Variants in WDR88 observed in about 807,000 individuals in gnomAD.
WDR88 encodes the protein WD repeat domain 88.
A neutral mutation model predicts 46.8 loss-of-function variants in WDR88; 40 were observed. The observed-to-expected ratio is 0.86, with a 90% confidence interval of 0.66 to 1.11. The LOEUF (loss-of-function observed/expected upper bound fraction) is 1.11, where lower values mean the gene tolerates loss of function less well. Ranked by LOEUF, WDR88 falls within the 50% of genes most tolerant of loss-of-function variation. WDR88 has a pLI of 0.00. For missense variants in WDR88, 562 were observed against 602.4 expected (o/e 0.93, Z 0.70); for synonymous variants, 235 against 240.7 (o/e 0.98, Z 0.22).
chr19:33,174,246 A>G, intron 10 of WDR88: 17 of 1,536,262 alleles, frequency 1.1e-5, no homozygotes, highest in Non-Finnish European at 1.5e-5. Context: ...CTTGCTCTGA[A>G]TCAATCAACA....
chr19:33,154,969 A>C (rs2145397371), intron 6 of WDR88, among the ~76,000 whole-genome samples: 1 of 152,338 alleles, frequency 6.6e-6, no homozygotes, highest in Middle Eastern at 3.4e-3. Flanking sequence ...TCTTCAGGTC[A>C]AATGATTGAT....
At position 33,137,645 on chromosome 19, in the gene WDR88, T is replaced by C. The variant is rs753546080; in HGVS notation, c.277-32T>C. The C allele has an allele frequency of 1.9e-6, 3 of 1,556,852 alleles. No homozygotes were observed. The Admixed American group carries it at 5.1e-5, about 26-fold the overall frequency. ...TACATTGATTTTGTGTCCTGCAACA[T>C]GTTTAGCTCATCTGGTCTCTCCTTT... On this transcript the variant is annotated intron_variant, in intron 1 of 10. Coordinates refer to ENST00000355868, the MANE Select transcript of WDR88 (RefSeq NM_173479.4).
rs1391329076 is a variant in WDR88, at chr19:33,156,396, G to C, written c.851G>C (p.Ser284Thr). 6.2e-7 allele frequency: 1 copy of C among 1,614,184 alleles called. No individual in the cohort carries two copies. Among genetic ancestry groups the C allele is most frequent in the South Asian group, 1.1e-5 (1 of 91,090 alleles). ...ATCTCAAACTGCTGTTTTACCTTCA[G>C]TGGCCATTTCCTGTGTACAAGCTCC... is the stretch of plus-strand genomic sequence containing the variant. ...NAISNCCFTF[S>T]GHFLCTSSWD... is the part of the protein sequence containing the mutation. The change falls in exon 7 of 11, where the codon AGT (serine) becomes ACT (threonine). Residue 284 changes from serine to threonine, a missense_variant. Physicochemically the swap from Ser to Thr is moderately conservative, Grantham distance 58. Coordinates refer to ENST00000355868, the MANE Select transcript of WDR88 (RefSeq NM_173479.4).
At chr19:33,142,711 A>T (rs1187657528) in intron 2 of WDR88, 1 of 151,864 alleles carries the variant, frequency 6.6e-6, no homozygotes, top group Non-Finnish European at 1.5e-5. Context: ...CTGCCGACTC[A>T]AAAGGGGAAA....
intron 2 of WDR88, among the ~76,000 whole-genome samples, chr19:33,138,290 G>C (rs1490889089): frequency 6.6e-6 from 1 of 152,134 alleles, no homozygotes; most frequent in Non-Finnish European, 1.5e-5. Flanking sequence ...GACCTCAGGT[G>C]ATCCACCCAC....
chr19:33,160,372 G>C, intron 7 of WDR88, 42 bp from the exon 8 acceptor site: 1 of 1,609,392 alleles, frequency 6.2e-7, no homozygotes, highest in Non-Finnish European at 8.5e-7. Flanking sequence ...ACTTGGCTTG[G>C]AAAGTTGACC....
intron 1 of WDR88, 129 bp from the exon 2 acceptor site, chr19:33,137,547 TG>T: frequency 1.3e-6 from 1 of 792,330 alleles, no homozygotes; most frequent in Non-Finnish European, 1.9e-6. Context: ...ACCACCCCCC[TG>T]GCCAGAATTT....
chr19:33,134,781 A>G (rs530881226), intron 1 of WDR88, among the ~76,000 whole-genome samples: 36 of 151,002 alleles, frequency 2.4e-4, no homozygotes, highest in African/African-American at 8.5e-4. Flanking sequence ...CGTGTCCCCG[A>G]GCCCCCTAGA....
chr19:33,152,203 G>A (rs1371041081), intron 6 of WDR88, among the ~76,000 whole-genome samples: 1 of 151,698 alleles, frequency 6.6e-6, no homozygotes, highest in Non-Finnish European at 1.5e-5. Context: ...CTGCACTCCA[G>A]CCTAGGTGAC....
At chr19:33,134,224 C>A (rs1168690865) in intron 1 of WDR88, among the ~76,000 whole-genome samples, 3 of 152,108 alleles carry the variant, frequency 2.0e-5, no homozygotes, top group Non-Finnish European at 2.9e-5. Context: ...AAACGAGAGC[C>A]CCAGAAAAGC....
intron 6 of WDR88, among the ~76,000 whole-genome samples, chr19:33,154,445 A>G (rs1237285061): frequency 2.0e-5 from 3 of 151,444 alleles, no homozygotes; most frequent in Non-Finnish European, 4.4e-5. Context: ...TCACTGTTCA[A>G]CTCCCACTTA....
chr19:33,134,477 G>C (rs1042955785), intron 1 of WDR88, among the ~76,000 whole-genome samples: 3 of 152,104 alleles, frequency 2.0e-5, no homozygotes, highest in African/African-American at 7.2e-5. Flanking sequence ...GCATGCGTGA[G>C]CCACTGCACC....
At chr19:33,172,483 G>T in intron 10 of WDR88, 43 bp downstream of exon 10, 1 of 1,477,720 alleles carries the variant, frequency 6.8e-7, no homozygotes. Flanking sequence ...GCTTTCGTTA[G>T]TTCCCTCTAT....
intron 10 of WDR88, among the ~76,000 whole-genome samples, chr19:33,173,439 C>G (rs1425185251): frequency 6.6e-6 from 1 of 152,268 alleles, no homozygotes; most frequent in African/African-American, 2.4e-5. Flanking sequence ...GAGGCTGTCC[C>G]TGGGCAGTGG....
At chr19:33,166,483 G>A (rs1314524661) in intron 9 of WDR88, among the ~76,000 whole-genome samples, 1 of 152,022 alleles carries the variant, frequency 6.6e-6, no homozygotes, top group African/African-American at 2.4e-5. Context: ...TCCAGGCCCA[G>A]CTACTTGGGA....
At position 33,175,484 on chromosome 19, in the gene WDR88, C is replaced by A. The variant is rs1395389291; in HGVS notation, c.1331C>A (p.Thr444Lys). 1.2e-6 allele frequency: 2 copies of A among 1,614,238 alleles called. No individual in the cohort carries two copies. Among genetic ancestry groups the A allele is most frequent in the Non-Finnish European group, 1.7e-6 (2 of 1,180,046 alleles). Residue 444 changes from threonine to lysine, a missense_variant, in exon 11 of 11, where the codon ACA becomes AAA. Coordinates refer to ENST00000355868, the MANE Select transcript of WDR88 (RefSeq NM_173479.4). ...FTQCVFCRID[T>K]RGLPADTSSS... ...CAATGCGTGTTCTGCCGGATAGATA[C>A]AAGGGGCTTGCCAGCAGATACTTCA...
At chr19:33,143,463 G>C (rs1164169895) in intron 2 of WDR88, among the ~76,000 whole-genome samples, 1 of 151,236 alleles carries the variant, frequency 6.6e-6, no homozygotes, top group African/African-American at 2.4e-5. Context: ...GGGTAATATA[G>C]TGAGACCTTG....
rs1555727366 is a variant in WDR88, at chr19:33,168,032, C to CT, written c.1149+3780dup. On this transcript the variant is annotated intron_variant, in intron 9 of 10. Transcript: ENST00000355868. The stretch of plus-strand genomic sequence containing the variant: ...CATGCCCAGCCAAAATGATTTCTTT[C>CT]TTTTTTTTTTTTTGAGATGGAGTCT... Among the ~76,000 whole-genome samples, 317 of 137,720 alleles carry CT rather than the reference C, an allele frequency of 2.3e-3. 5 individuals are homozygous for CT. The highest frequency in any genetic ancestry group is 4.2e-3 in the Middle Eastern group (1 of 240). The allele number at this position is 137,720 out of a possible 152,430, so 90.3% of individuals were successfully genotyped here.
chr19:33,165,042 C>T (rs1973930984), intron 9 of WDR88, among the ~76,000 whole-genome samples: 1 of 152,010 alleles, frequency 6.6e-6, no homozygotes. Flanking sequence ...AGCCTAGATC[C>T]CTTGCATGCA....
Sources: gnomAD v4.1 joint callset for allele counts (sites outside exome capture counted in the v4.1 genomes callset) on GRCh38, gnomAD v4.1.1 for gene constraint, MANE v1.5 for transcripts, NCBI Gene and HGNC (gene_info 2026-07-23, HGNC 2026-07-21) for gene names.